The following MESD variants were observed in gnomAD, a reference collection of about 807,000 sequenced individuals.
MESD encodes the protein LRP chaperone MESD.
Under a neutral mutation model 12.9 loss-of-function variants are expected in MESD, and 7 were observed. The observed-to-expected ratio is 0.54, with a 90% confidence interval of 0.31 to 1.02. The LOEUF (loss-of-function observed/expected upper bound fraction) is 1.02. MESD is among the 50% of genes least tolerant of loss of function. The probability of loss-of-function intolerance (pLI) is 0.05; values close to 1 mark genes in which losing one functional copy is unlikely to be tolerated. For missense variants in MESD, 342 were observed against 296.7 expected (o/e 1.15, Z -1.12); for synonymous variants, 126 against 115.6 (o/e 1.09, Z -0.58).
At chr15:80,985,652 T>TTTC in intron 1 of MESD, among the ~76,000 whole-genome samples, 1 of 147,376 alleles carries the variant, frequency 6.8e-6, no homozygotes. Context: ...TTTTTTTTTT[T>TTTC]TTTTTTTTTT....
Position 80,949,350 on chromosome 15 carries a change from G to A in MESD, c.*627-452C>T, listed in dbSNP as rs768671547. 90 of 305,452 alleles carry A rather than the reference G, an allele frequency of 2.9e-4. 1 individual carries two copies. Among genetic ancestry groups the A allele is most frequent in the Middle Eastern group, 2.3e-3 (2 of 858 alleles). 18.9% of individuals were successfully genotyped at this position (305,452 alleles called of 1,614,324 possible). On this transcript the variant is annotated intron_variant, in intron 4 of 4. Coordinates refer to the MESD transcript ENST00000561312. ...CATGGTCTTCAGCAGACAAGTGAGG[G>A]TGGTAAATGTAGGAGAAAGAGCCTT...
chr15:80,983,529 A>G (rs1288136781), intron 1 of MESD, among the ~76,000 whole-genome samples: 2 of 152,244 alleles, frequency 1.3e-5, no homozygotes, highest in Non-Finnish European at 2.9e-5. Context: ...GCCCTGTGGT[A>G]TTAGGCTGGA....
chr15:80,959,666 AT>A (rs1022447570), intron 3 of MESD, among the ~76,000 whole-genome samples: 1 of 152,202 alleles, frequency 6.6e-6, no homozygotes, highest in Non-Finnish European at 1.5e-5. Flanking sequence ...ATTATTAAAG[AT>A]TTTTAACCCC....
In MESD at chr15:80,986,254, G is replaced by C. The variant is rs148993338; in HGVS notation, c.213+3325C>G. Reference sequence around the variant, plus strand: ...GTGGAGATTAGAATTGTGGTTACTAGAGGCTGGGAAGTGGAGGGGAGATAG... The same window carrying C: ...GTGGAGATTAGAATTGTGGTTACTACAGGCTGGGAAGTGGAGGGGAGATAG... On this transcript the variant is annotated intron_variant, in intron 1 of 2. Transcript: ENST00000261758. Among the ~76,000 whole-genome samples the C allele has an allele frequency of 4.9e-4, 75 of 152,346 alleles. 1 individual carries two copies. In the Middle Eastern group the frequency reaches 0.02, roughly 41 times the overall value.
chr15:80,963,233 A>C (rs1324137918), intron 3 of MESD, among the ~76,000 whole-genome samples: 2 of 152,236 alleles, frequency 1.3e-5, no homozygotes, highest in Non-Finnish European at 2.9e-5. Flanking sequence ...ATCTAGAAGA[A>C]ATGGATAAAT....
intron 3 of MESD, among the ~76,000 whole-genome samples, chr15:80,966,473 G>A (rs759011806): frequency 1.2e-4 from 19 of 152,326 alleles, no homozygotes; most frequent in Non-Finnish European, 2.2e-4. Context: ...GTTTCTGAAA[G>A]TCACAGAGTA....
chr15:80,972,908 G>C (rs1207557937), downstream of MESD, among the ~76,000 whole-genome samples: 1 of 152,146 alleles, frequency 6.6e-6, no homozygotes, highest in Non-Finnish European at 1.5e-5. Context: ...TGTAATTCCA[G>C]CTACTTGGGA....
At chr15:80,980,554 T>C (rs547955466) in intron 2 of MESD, among the ~76,000 whole-genome samples, 10 of 152,222 alleles carry the variant, frequency 6.6e-5, no homozygotes, top group Admixed American at 1.3e-4. Flanking sequence ...TCAAAGAGTC[T>C]AAACTAAGCT....
chr15:80,953,627 C>T (rs964418732), intron 3 of MESD, among the ~76,000 whole-genome samples: 1 of 152,118 alleles, frequency 6.6e-6, no homozygotes, highest in Non-Finnish European at 1.5e-5. Flanking sequence ...TTGCAGAATG[C>T]ATAGGAATGA....
intron 3 of MESD, among the ~76,000 whole-genome samples, chr15:80,959,651 C>T (rs1000309006): frequency 1.3e-5 from 2 of 152,182 alleles, no homozygotes. Flanking sequence ...TCTACCATAA[C>T]ATAAATTATT....
Position 80,983,894 on chromosome 15 carries a change from C to CTTTTTT in MESD, c.214-1718_214-1713dup, listed in dbSNP as rs10570822. 1.0e-3 allele frequency among the ~76,000 whole-genome samples: 91 copies of CTTTTTT among 88,498 alleles called. 3 individuals carry two copies. Among genetic ancestry groups the CTTTTTT allele is most frequent in the African/African-American group, 1.5e-3 (36 of 24,582 alleles). 58.1% of individuals were successfully genotyped at this position (88,498 alleles called of 152,430 possible). ...ATAAATTACTAATAGAAAACAGTAACTTTTTTTTTTTTTTTTTTTTTTTTT... is the reference window on the plus strand; with the variant it reads ...ATAAATTACTAATAGAAAACAGTAACTTTTTTTTTTTTTTTTTTTTTTTTTTTTTTT... On this transcript the variant is annotated intron_variant, in intron 1 of 2. Coordinates refer to ENST00000261758, the MANE Select transcript of MESD (RefSeq NM_015154.3).
intron 3 of MESD, among the ~76,000 whole-genome samples, chr15:80,958,967 T>A (rs1902036995): frequency 6.6e-6 from 1 of 152,168 alleles, no homozygotes; most frequent in Non-Finnish European, 1.5e-5. Context: ...GAAGGGGAGA[T>A]GCCCTGAAGG....
Position 80,979,612 on chromosome 15 carries a change from C to T in MESD, c.447-135G>A. 4.0e-6 allele frequency: 4 copies of T among 1,011,230 alleles called. No homozygotes were observed. In the South Asian group the frequency reaches 7.1e-5, roughly 18 times the overall value. The allele number at this position is 1,011,230 out of a possible 1,614,324, so 62.6% of individuals were successfully genotyped here. ...GAATGAAAAATTGGATTTTCCAAAG[C>T]CTAGCAGCTACTGATATCTCATGTA... On this transcript the variant is annotated intron_variant, in intron 2 of 2. Coordinates refer to ENST00000261758, the MANE Select transcript of MESD (RefSeq NM_015154.3).
intron 1 of MESD, among the ~76,000 whole-genome samples, chr15:80,989,066 G>A (rs1320290527): frequency 1.3e-5 from 2 of 152,074 alleles, no homozygotes; most frequent in Non-Finnish European, 2.9e-5. Flanking sequence ...TTCCCAGCAG[G>A]GACATATACC....
At chr15:80,980,820 CTTTT>C (rs67729328) in intron 2 of MESD, among the ~76,000 whole-genome samples, 6,452 of 142,588 alleles carry the variant, frequency 0.045, 490 homozygotes, top group African/African-American at 0.16. Context: ...AATAAATGCC[CTTTT>C]TTTTTTTTTT....
downstream of MESD, chr15:80,947,248 T>A: frequency 1.7e-6 from 1 of 598,222 alleles, no homozygotes; most frequent in Non-Finnish European, 3.0e-6. Context: ...GCCACCTGTT[T>A]ACCACCCCTG....
intron 3 of MESD, among the ~76,000 whole-genome samples, chr15:80,962,917 A>G (rs889731580): frequency 6.6e-6 from 1 of 152,230 alleles, no homozygotes; most frequent in Non-Finnish European, 1.5e-5. Context: ...TAACATCACA[A>G]TTAAAAGAAC....
downstream of MESD, among the ~76,000 whole-genome samples, chr15:80,972,697 C>T (rs1247557056): frequency 3.9e-5 from 6 of 152,172 alleles, no homozygotes; most frequent in Admixed American, 1.3e-4. Flanking sequence ...GCCACTAAAA[C>T]GCTGAACGCA....
intron 3 of MESD, among the ~76,000 whole-genome samples, chr15:80,957,599 A>AACACACACACACACACAC (rs36008211): frequency 1.3e-5 from 2 of 148,796 alleles, no homozygotes; most frequent in Admixed American, 6.7e-5. Context: ...TCCACTGCAA[A>AACACACACACACACACAC]ACACACACAC....
Sources: allele counts gnomAD v4.1 joint callset (sites outside exome capture counted in the v4.1 genomes callset), GRCh38; gene constraint gnomAD v4.1.1; transcripts MANE v1.5; gene names NCBI Gene and HGNC (gene_info 2026-07-23, HGNC 2026-07-21).